The following MED16 variants were observed in gnomAD, a reference collection of about 807,000 sequenced individuals.
The protein encoded by MED16 is mediator complex subunit 16.
In MED16, 81 loss-of-function variants were observed where a neutral mutation model predicts 84.4. That is an observed-to-expected ratio of 0.96 (90% CI 0.80 to 1.15). The LOEUF (loss-of-function observed/expected upper bound fraction) is 1.15, where lower values mean the gene tolerates loss of function less well. Ranked by LOEUF, MED16 falls within the 50% of genes most tolerant of loss-of-function variation. The pLI is 0.00. For synonymous variants in MED16, 897 were observed against 552.2 expected (o/e 1.62, Z -8.76); for missense variants, 1,585 against 1,245.9 (o/e 1.27, Z -4.10).
At chr19:871,781 A>T in intron 12 of MED16, 145 bp downstream of exon 12, 1 of 160,620 alleles carries the variant, frequency 6.2e-6, no homozygotes, top group African/African-American at 7.3e-5. Context: ...GAGAGGGGAG[A>T]GGGGAGAGCG....
At chr19:884,212 T>C (rs992033973) in intron 6 of MED16, among the ~76,000 whole-genome samples, 1 of 152,134 alleles carries the variant, frequency 6.6e-6, no homozygotes, top group Non-Finnish European at 1.5e-5. Context: ...GAGGCCAGCC[T>C]AAAAACCAGG....
chr19:892,181 A>T (rs2036651084), intron 1 of MED16, among the ~76,000 whole-genome samples: 1 of 152,004 alleles, frequency 6.6e-6, no homozygotes, highest in Non-Finnish European at 1.5e-5. Flanking sequence ...GCCTGGAATC[A>T]CCCGCAACCA....
intron 8 of MED16, among the ~76,000 whole-genome samples, chr19:878,207 A>G (rs1290921530): frequency 3.6e-3 from 278 of 76,742 alleles, no homozygotes; most frequent in Middle Eastern, 0.032. Context: ...CCAGCAGCTC[A>G]CCTTCCCCTG....
In MED16 at chr19:886,835, G is replaced by T. The variant is rs192692625; in HGVS notation, c.448-634C>A. Among the ~76,000 whole-genome samples the T allele has an allele frequency of 2.5e-3, 381 of 152,294 alleles. 2 individuals are homozygous for T. The highest frequency in any genetic ancestry group is 0.012 in the Admixed American group (188 of 15,302). On this transcript the variant is annotated intron_variant, in intron 4 of 15. Transcript: ENST00000325464. ...TCTCGCCTATAATCCCAGCACTTTGGGGGGCTGAGGCAGGTGGATCCCCTG... is the reference window on the plus strand; with the variant it reads ...TCTCGCCTATAATCCCAGCACTTTGTGGGGCTGAGGCAGGTGGATCCCCTG...
Position 871,990 on chromosome 19 carries a change from G to A in MED16, c.2034C>T (p.Ala678=), listed in dbSNP as rs541707898. The change falls in exon 12 of 16, where the codon GCC becomes GCT. Residue 678 remains alanine (A), a synonymous_variant. Coordinates refer to ENST00000325464, the MANE Select transcript of MED16 (RefSeq NM_005481.3). ...LKPSCLPVYT[A]TSDTQDSMSL... ...ACATGCTGTCCTGGGTATCCGAGGT[G>A]GCCGTATACACGGGCAGGCAGCTGG... 4 of 1,609,230 alleles carry A rather than the reference G, an allele frequency of 2.5e-6. No homozygotes were observed. Among genetic ancestry groups the A allele is most frequent in the African/African-American group, 2.7e-5 (2 of 74,182 alleles).
chr19:871,297 C>A (rs747804406), intron 12 of MED16, 44 bp from the exon 13 acceptor site: 1 of 1,501,042 alleles, frequency 6.7e-7, no homozygotes, highest in South Asian at 1.3e-5. Flanking sequence ...CTGACTGGGG[C>A]ACCGCCCGGC....
At chr19:871,515 G>T in intron 12 of MED16, 4 of 1,547,588 alleles carry the variant, frequency 2.6e-6, no homozygotes, top group Non-Finnish European at 3.5e-6. Flanking sequence ...GGGAAGCACT[G>T]TGCCTTTTCC....
chr19:893,003 C>G (rs1384967551), intron 1 of MED16, 83 bp downstream of exon 1: 1 of 152,838 alleles, frequency 6.5e-6, no homozygotes, highest in Non-Finnish European at 1.5e-5. Flanking sequence ...GGCCCCGCCA[C>G]GGCTGCGCCG....
chr19:885,838 G>A lies in MED16; in HGVS notation c.811C>T (p.Leu271Phe), dbSNP rs768685538. Residue 271 changes from leucine (L) to phenylalanine (F), a missense_variant, in exon 5 of 16, where the codon CTC becomes TTC. Leu to Phe is a conservative substitution (Grantham distance 22, BLOSUM62 0). Transcript: ENST00000325464. ...GCGGGAAACTTGTCCTTGCGGTTGAGGTCGGTGGTGCAGCGCATGAACAGG... is the reference window on the plus strand; with the variant it reads ...GCGGGAAACTTGTCCTTGCGGTTGAAGTCGGTGGTGCAGCGCATGAACAGG... Reference protein sequence around the residue: ...PSLFMRCTTDLNRKDKFPAIT... With the variant: ...PSLFMRCTTDFNRKDKFPAIT... 1.2e-6 allele frequency: 2 copies of A among 1,613,714 alleles called. No homozygotes were observed. Among genetic ancestry groups the A allele is most frequent in the Non-Finnish European group, 1.7e-6 (2 of 1,179,976 alleles).
At chr19:871,428 C>G (rs544944778) in intron 12 of MED16, among the ~76,000 whole-genome samples, 175 bp from the exon 13 acceptor site, 2 of 152,106 alleles carry the variant, frequency 1.3e-5, no homozygotes, top group Admixed American at 1.3e-4. Flanking sequence ...GCTCTGCCTG[C>G]CTGGCTGGGT....
chr19:885,462 TC>T (rs2036506421), intron 5 of MED16, among the ~76,000 whole-genome samples: 1 of 141,702 alleles, frequency 7.1e-6, no homozygotes, highest in African/African-American at 2.6e-5. Flanking sequence ...TTGGGGGGGG[TC>T]CGGGGGCCCC....
In MED16 at chr19:892,875, GCCCCGAGCCCCGC is replaced by G; in HGVS notation, c.-19+198_-19+210del. ...CCCAGGTTTCCGCCGCAAACCCTGAGCCCCGAGCCCCGCGCCCCGCGCCCCGCGCCCCGCGCCC... is the reference window on the plus strand; with the variant it reads ...CCCAGGTTTCCGCCGCAAACCCTGAGGCCCCGCGCCCCGCGCCCCGCGCCC... On this transcript the variant is annotated intron_variant, in intron 1 of 15. Coordinates refer to ENST00000325464, the MANE Select transcript of MED16 (RefSeq NM_005481.3). 2 of 82,580 alleles carry G rather than the reference GCCCCGAGCCCCGC, an allele frequency of 2.4e-5. 1 individual carries two copies. Among genetic ancestry groups the G allele is most frequent in the South Asian group, 6.2e-4 (2 of 3,244 alleles). The allele number at this position is 82,580 out of a possible 1,614,324, so 5.1% of individuals were successfully genotyped here. A position where few individuals can be genotyped will look rare whatever the true frequency, so the allele number is the denominator to read the frequency against.
intron 6 of MED16, among the ~76,000 whole-genome samples, chr19:883,646 C>G (rs1390086445): frequency 1.3e-5 from 2 of 152,026 alleles, no homozygotes; most frequent in Non-Finnish European, 2.9e-5. Flanking sequence ...AGGACGGCTG[C>G]AGGAGACGAG....
At chr19:873,315 G>A (rs1450243397) in intron 11 of MED16, 134 bp downstream of exon 11, 6 of 684,648 alleles carry the variant, frequency 8.8e-6, no homozygotes, top group Admixed American at 5.4e-5. Context: ...GTAGGGGCGG[G>A]ACTCCAAGTA....
intron 8 of MED16, 37 bp from the exon 9 acceptor site, chr19:877,217 T>C (rs1185081058): frequency 8.3e-6 from 13 of 1,575,076 alleles, no homozygotes; most frequent in Admixed American, 1.8e-5. Context: ...CCCGGTGAGA[T>C]GGGGCTGCGC....
intron 8 of MED16, among the ~76,000 whole-genome samples, chr19:878,998 C>A (rs1165380638): frequency 6.6e-6 from 1 of 151,524 alleles, no homozygotes; most frequent in African/African-American, 2.4e-5. Flanking sequence ...TATCAATGCC[C>A]ACCAGCCCCA....
In MED16 at chr19:889,643, C is replaced by G. The variant is rs2036593694; in HGVS notation, c.442G>C (p.Glu148Gln). ...CACTCGGGCAGGACACTCACCTTCT[C>G]CACGTGCAGGGCCAGTTTCACACCA... ...HNGVKLALHV[E>Q]KSGASSFGEK... The change falls in exon 4 of 16, where the codon GAG (glutamate) becomes CAG (glutamine). Residue 148 changes from glutamate to glutamine, a missense_variant. Transcript: ENST00000325464. 6.2e-7 allele frequency: 1 copy of G among 1,609,508 alleles called. No individual in the cohort carries two copies. The highest frequency in any genetic ancestry group is 1.3e-5 in the African/African-American group (1 of 74,886).
intron 9 of MED16, among the ~76,000 whole-genome samples, chr19:876,047 T>C (rs2036221316): frequency 6.6e-6 from 1 of 152,174 alleles, no homozygotes; most frequent in Admixed American, 6.5e-5. Flanking sequence ...GCGCTGTCAC[T>C]GGCTACGGAT....
At chr19:874,661 T>A (rs1056977629) in intron 10 of MED16, among the ~76,000 whole-genome samples, 1 of 152,178 alleles carries the variant, frequency 6.6e-6, no homozygotes, top group African/African-American at 2.4e-5. Context: ...AAGGATCGCT[T>A]GAGCTCAGGT....
Sources: gnomAD v4.1 joint callset for allele counts (sites outside exome capture counted in the v4.1 genomes callset) on GRCh38, gnomAD v4.1.1 for gene constraint, MANE v1.5 for transcripts, NCBI Gene and HGNC (gene_info 2026-07-23, HGNC 2026-07-21) for gene names.